CADM2: variants seen among roughly 807,000 people sequenced by gnomAD.
CADM2 encodes immunoglobulin superfamily member 4D.
CADM2 carries 12 observed loss-of-function variants against 49.8 expected under a neutral mutation model. The ratio of observed to expected loss-of-function variants is 0.24; its 90% CI spans 0.15 to 0.39. The LOEUF (loss-of-function observed/expected upper bound fraction) is 0.39. Ranked by LOEUF, CADM2 falls within the 10% of genes least tolerant of loss-of-function variation. The probability of loss-of-function intolerance (pLI) is 1.00; values close to 1 mark genes in which losing one functional copy is unlikely to be tolerated. For missense variants in CADM2, 378 were observed against 492.3 expected (o/e 0.77, Z 2.20); for synonymous variants, 214 against 175.4 (o/e 1.22, Z -1.74).
chr3:85,182,996 A>G (rs946121690), intron 1 of CADM2, among the ~76,000 whole-genome samples: 10 of 152,148 alleles, frequency 6.6e-5, no homozygotes, highest in African/African-American at 2.4e-4. Flanking sequence ...AAGTGAATAC[A>G]ATTCAATTAT....
intron 8 of CADM2, among the ~76,000 whole-genome samples, chr3:86,004,084 C>T (rs1028943701): frequency 6.6e-6 from 1 of 151,888 alleles, no homozygotes; most frequent in Non-Finnish European, 1.5e-5. Context: ...TATAACTCTA[C>T]CACTGAGAAA....
intron 7 of CADM2, among the ~76,000 whole-genome samples, chr3:85,942,905 G>T (rs903754974): frequency 1.3e-5 from 2 of 151,952 alleles, no homozygotes; most frequent in East Asian, 3.9e-4. Flanking sequence ...CTGAGGAATC[G>T]CCACACCGAC....
intron 1 of CADM2, among the ~76,000 whole-genome samples, chr3:85,499,268 C>A (rs1198372475): frequency 6.6e-6 from 1 of 151,976 alleles, no homozygotes; most frequent in Non-Finnish European, 1.5e-5. Flanking sequence ...CTGAATTTTT[C>A]TTTAGTGAAT....
chr3:85,567,032 T>A (rs549284537), intron 1 of CADM2, among the ~76,000 whole-genome samples: 1 of 152,296 alleles, frequency 6.6e-6, no homozygotes, highest in South Asian at 2.1e-4. Context: ...ACACCTTTTT[T>A]AGTCAAGTAA....
At chr3:84,967,910 A>G (rs1460894763) in intron 1 of CADM2, among the ~76,000 whole-genome samples, 1 of 152,036 alleles carries the variant, frequency 6.6e-6, no homozygotes, top group Non-Finnish European at 1.5e-5. Flanking sequence ...AAGAAGGGGA[A>G]AGGAATGTGA....
Position 86,069,896 on chromosome 3 carries a change from A to G in CADM2, c.*3113A>G, listed in dbSNP as rs1398209947. On this transcript the variant is annotated 3_prime_UTR_variant, in exon 10 of 10. Coordinates refer to ENST00000383699, the MANE Select transcript of CADM2 (RefSeq NM_001167675.2). ...GGATTATTATCAAAAGTAGGAGGAA[A>G]AAGAAATGTTTGTGAGTGCAAGATT... The G allele has an allele frequency of 6.6e-6, 1 of 151,984 alleles. No homozygotes were observed. The highest frequency in any genetic ancestry group is 1.5e-5 in the Non-Finnish European group (1 of 67,878). 9.4% of individuals were successfully genotyped at this position (151,984 alleles called of 1,614,324 possible).
At chr3:85,678,177 G>T (rs1056745624) in intron 1 of CADM2, among the ~76,000 whole-genome samples, 5 of 152,188 alleles carry the variant, frequency 3.3e-5, no homozygotes, top group African/African-American at 9.7e-5. Flanking sequence ...TTTCTGAGAG[G>T]TGACGACTGA....
At chr3:84,988,963 C>T (rs890519587) in intron 1 of CADM2, among the ~76,000 whole-genome samples, 2 of 152,022 alleles carry the variant, frequency 1.3e-5, no homozygotes, top group African/African-American at 4.8e-5. Flanking sequence ...TGTTCTAGAT[C>T]TAATTCTAGG....
At position 85,961,894 on chromosome 3, in the gene CADM2, T is replaced by C. The variant is rs573692667; in HGVS notation, c.970+247T>C. On this transcript the variant is annotated intron_variant, in intron 8 of 9. Transcript: ENST00000383699. Reference sequence around the variant, plus strand: ...GCTTTCTCAATTATAAATATACTTCTTACATGTTGGCTCGTAAACTATATT... The same window carrying C: ...GCTTTCTCAATTATAAATATACTTCCTACATGTTGGCTCGTAAACTATATT... Among the ~76,000 whole-genome samples the C allele has an allele frequency of 1.5e-3, 229 of 152,020 alleles. 2 individuals are homozygous for C. The highest frequency in any genetic ancestry group is 5.5e-3 in the African/African-American group (227 of 41,540).
intron 1 of CADM2, among the ~76,000 whole-genome samples, chr3:85,553,916 C>G (rs1177266214): frequency 6.6e-6 from 1 of 152,090 alleles, no homozygotes; most frequent in Admixed American, 6.6e-5. Flanking sequence ...CAGAAAAGCT[C>G]CAGAGTATTT....
At chr3:85,119,514 T>A (rs949460214) in intron 1 of CADM2, among the ~76,000 whole-genome samples, 2 of 151,416 alleles carry the variant, frequency 1.3e-5, no homozygotes, top group African/African-American at 2.4e-5. Flanking sequence ...TTTAAAGTAG[T>A]TTTTTTTTCT....
At chr3:85,694,156 A>C (rs2066478537) in intron 1 of CADM2, among the ~76,000 whole-genome samples, 1 of 152,324 alleles carries the variant, frequency 6.6e-6, no homozygotes, top group Admixed American at 6.5e-5. Flanking sequence ...CAACAGCAAC[A>C]GTGAGTTAAA....
intron 1 of CADM2, among the ~76,000 whole-genome samples, chr3:85,313,261 G>T (rs2044389207): frequency 6.6e-6 from 1 of 152,198 alleles, no homozygotes; most frequent in Non-Finnish European, 1.5e-5. Context: ...AGCTACAGAT[G>T]CACATGTAAG....
intron 1 of CADM2, among the ~76,000 whole-genome samples, chr3:85,538,268 A>G (rs1004192752): frequency 6.6e-6 from 1 of 152,092 alleles, no homozygotes; most frequent in Non-Finnish European, 1.5e-5. Context: ...GCCACATCTC[A>G]TATACAGTGT....
intron 1 of CADM2, among the ~76,000 whole-genome samples, chr3:85,726,127 T>A (rs2067687186): frequency 6.6e-6 from 1 of 152,058 alleles, no homozygotes; most frequent in South Asian, 2.1e-4. Flanking sequence ...GGCCTGCTTT[T>A]CTAGTTACTC....
chr3:86,044,942 A>C (rs568893321), intron 8 of CADM2, among the ~76,000 whole-genome samples: 1 of 152,206 alleles, frequency 6.6e-6, no homozygotes, highest in Non-Finnish European at 1.5e-5. Flanking sequence ...CATCATTCTC[A>C]GCAAAGTATG....
intron 5 of CADM2, among the ~76,000 whole-genome samples, chr3:85,910,159 G>C (rs759088577): frequency 2.6e-5 from 4 of 152,144 alleles, no homozygotes; most frequent in Non-Finnish European, 5.9e-5. Flanking sequence ...AAGCAGATGT[G>C]TGAGTTCTTA....
intron 1 of CADM2, among the ~76,000 whole-genome samples, chr3:85,169,547 G>A (rs1376644069): frequency 6.6e-6 from 1 of 152,134 alleles, no homozygotes; most frequent in Non-Finnish European, 1.5e-5. Flanking sequence ...TGAAGCAGGT[G>A]GATAACCTGA....
intron 1 of CADM2, among the ~76,000 whole-genome samples, chr3:85,685,737 C>T (rs2066190168): frequency 6.6e-6 from 1 of 151,196 alleles, no homozygotes; most frequent in South Asian, 2.1e-4. Flanking sequence ...AATTCTCCTT[C>T]CTCAGCCTCC....
Sources: gnomAD v4.1 joint callset for allele counts (sites outside exome capture counted in the v4.1 genomes callset) on GRCh38, gnomAD v4.1.1 for gene constraint, MANE v1.5 for transcripts, NCBI Gene and HGNC (gene_info 2026-07-23, HGNC 2026-07-21) for gene names.